Variants in ERC2 observed in about 807,000 individuals in gnomAD.
ERC2 encodes ELKS/RAB6-interacting/CAST family member 2.
ERC2 carries 42 observed loss-of-function variants against 114.8 expected under a neutral mutation model. That is an observed-to-expected ratio of 0.37 (90% CI 0.29 to 0.47). The LOEUF is 0.47. Ranked by LOEUF, ERC2 falls within the 20% of genes least tolerant of loss-of-function variation. The probability of loss-of-function intolerance (pLI) is 0.99; values close to 1 mark genes in which losing one functional copy is unlikely to be tolerated. For missense variants in ERC2, 939 were observed against 1,150.7 expected (o/e 0.82, Z 2.66); for synonymous variants, 454 against 425.5 (o/e 1.07, Z -0.82).
chr3:56,431,443 C>T (rs1042161312), intron 2 of ERC2, among the ~76,000 whole-genome samples: 1 of 152,190 alleles, frequency 6.6e-6, no homozygotes, highest in Non-Finnish European at 1.5e-5. Flanking sequence ...TGAAGCCATG[C>T]ATCAGGATGC....
chr3:55,947,355 G>T (rs2067188856), intron 13 of ERC2, among the ~76,000 whole-genome samples: 1 of 152,100 alleles, frequency 6.6e-6, no homozygotes, highest in African/African-American at 2.4e-5. Flanking sequence ...TTTCTCCAGG[G>T]CTTGTCTCTT....
intron 3 of ERC2, among the ~76,000 whole-genome samples, chr3:56,269,414 T>C (rs2053518094): frequency 1.3e-5 from 2 of 152,204 alleles, no homozygotes; most frequent in Non-Finnish European, 2.9e-5. Flanking sequence ...AATTTCCTCA[T>C]GGGTGAGTCT....
At chr3:56,373,638 C>A (rs942600239) in intron 2 of ERC2, among the ~76,000 whole-genome samples, 4 of 152,176 alleles carry the variant, frequency 2.6e-5, no homozygotes, top group African/African-American at 9.7e-5. Flanking sequence ...AAGGGCCAAA[C>A]AGTAAATATT....
At chr3:55,946,347 T>C (rs1490452303) in intron 13 of ERC2, among the ~76,000 whole-genome samples, 1 of 152,226 alleles carries the variant, frequency 6.6e-6, no homozygotes, top group Non-Finnish European at 1.5e-5. Flanking sequence ...GTTTTAATTT[T>C]CCTCCTTATT....
At chr3:55,843,838 C>G (rs920016916) in intron 14 of ERC2, among the ~76,000 whole-genome samples, 11 of 152,196 alleles carry the variant, frequency 7.2e-5, no homozygotes, top group Admixed American at 3.9e-4. Flanking sequence ...CTCCCAATTT[C>G]CTGTTCATAA....
At position 56,394,234 on chromosome 3, in the gene ERC2, C is replaced by G. The variant is rs73075870; in HGVS notation, c.657+40117G>C. Reference sequence around the variant, plus strand: ...TAACTCTAAATTATCCAGAATAAAACTTTAATGAGAATCTCAAACTATGGA... The same window carrying G: ...TAACTCTAAATTATCCAGAATAAAAGTTTAATGAGAATCTCAAACTATGGA... On this transcript the variant is annotated intron_variant, in intron 2 of 17. Transcript: ENST00000288221. Among the ~76,000 whole-genome samples the G allele has an allele frequency of 1.2e-3, 189 of 152,302 alleles. 1 individual carries two copies. The highest frequency in any genetic ancestry group is 0.01 in the Middle Eastern group (3 of 292).
At chr3:55,841,771 C>G (rs2061145039) in intron 14 of ERC2, among the ~76,000 whole-genome samples, 1 of 152,094 alleles carries the variant, frequency 6.6e-6, no homozygotes, top group Non-Finnish European at 1.5e-5. Context: ...ATTCTAGAGT[C>G]AACAATCTTA....
At position 56,158,091 on chromosome 3, in the gene ERC2, T is replaced by G. The variant is rs369959380; in HGVS notation, c.1150-8959A>C. On this transcript the variant is annotated intron_variant, in intron 4 of 17. Coordinates refer to ENST00000288221, the MANE Select transcript of ERC2 (RefSeq NM_015576.3). ...AGATTTAAACTTTGCAAGAATGTCA[T>G]GTCAATTCAGACTCCCCAGGAGGGC... Among the ~76,000 whole-genome samples, 44 of 152,280 alleles carry G rather than the reference T, an allele frequency of 2.9e-4. No individual in the cohort carries two copies. In the East Asian group the frequency reaches 3.9e-3, roughly 13 times the overall value.
chr3:55,722,013 A>G (rs1481893306), intron 15 of ERC2, among the ~76,000 whole-genome samples: 1 of 152,172 alleles, frequency 6.6e-6, no homozygotes, highest in East Asian at 1.9e-4. Context: ...ACAGCCTTGG[A>G]TTTAGACCTT....
intron 2 of ERC2, among the ~76,000 whole-genome samples, chr3:56,303,386 A>C (rs919138097): frequency 6.6e-6 from 1 of 152,224 alleles, no homozygotes; most frequent in Non-Finnish European, 1.5e-5. Flanking sequence ...CATTAAAAAT[A>C]CGCAAATGGA....
intron 3 of ERC2, among the ~76,000 whole-genome samples, chr3:56,174,569 T>C (rs2082865133): frequency 6.6e-6 from 1 of 152,202 alleles, no homozygotes; most frequent in Non-Finnish European, 1.5e-5. Flanking sequence ...ATTTACTTTT[T>C]TTAAAAAAGG....
chr3:55,888,460 G>A lies in ERC2; in HGVS notation c.2493C>T (p.Ala831=), dbSNP rs191615919. 35 of 1,613,782 alleles carry A rather than the reference G, an allele frequency of 2.2e-5. No individual in the cohort carries two copies. In the East Asian group the frequency reaches 3.6e-4, roughly 16 times the overall value. The change falls in exon 14 of 18, where the codon GCC becomes GCT. Residue 831 remains alanine, a synonymous_variant. Transcript: ENST00000288221. The part of the protein sequence containing the change: ...ARLASTQQSL[A]EKEAHLANLR... ...GGTTGGCCAAGTGCGCTTCTTTTTC[G>A]GCCAGGGACTGTTGTGTGGAGGCGA...
At chr3:56,421,433 T>C (rs2061384770) in intron 2 of ERC2, among the ~76,000 whole-genome samples, 1 of 152,194 alleles carries the variant, frequency 6.6e-6, no homozygotes, top group Non-Finnish European at 1.5e-5. Flanking sequence ...CGTGGATGTG[T>C]GACTCATTCC....
rs188076930 is a variant in ERC2, at chr3:56,160,703, C to A, written c.1150-11571G>T. Among the ~76,000 whole-genome samples, 787 of 152,232 alleles carry A rather than the reference C, an allele frequency of 5.2e-3. 11 individuals are homozygous for A. Among genetic ancestry groups the A allele is most frequent in the African/African-American group, 0.018 (737 of 41,552 alleles). ...GTTTCATTCTTCTGCATATGGCTAG[C>A]CAGTTATCCCAGCACCATTTATTAA... On this transcript the variant is annotated intron_variant, in intron 4 of 17. Coordinates refer to ENST00000288221, the MANE Select transcript of ERC2 (RefSeq NM_015576.3).
intron 10 of ERC2, among the ~76,000 whole-genome samples, chr3:55,994,542 T>C (rs2071340943): frequency 6.6e-6 from 1 of 151,360 alleles, no homozygotes; most frequent in East Asian, 1.9e-4. Flanking sequence ...CTTTTGTTTT[T>C]ATTATAATTA....
intron 3 of ERC2, among the ~76,000 whole-genome samples, chr3:56,244,776 T>C (rs1489836708): frequency 6.6e-6 from 1 of 152,188 alleles, no homozygotes; most frequent in African/African-American, 2.4e-5. Flanking sequence ...TACAGTAATA[T>C]ACAGTAGTGT....
At chr3:56,267,799 A>C (rs1470416134) in intron 3 of ERC2, among the ~76,000 whole-genome samples, 1 of 152,102 alleles carries the variant, frequency 6.6e-6, no homozygotes, top group Non-Finnish European at 1.5e-5. Context: ...CAAAACAAAA[A>C]AACAGGCAGA....
chr3:56,107,869 C>G (rs2078754868), intron 6 of ERC2, among the ~76,000 whole-genome samples: 1 of 152,092 alleles, frequency 6.6e-6, no homozygotes, highest in Non-Finnish European at 1.5e-5. Context: ...CAAATGTTTT[C>G]CATATAAGAT....
rs2150116890 is a variant in ERC2, at chr3:56,208,880, T to TTCAG, written c.1075-35361_1075-35360insCTGA. Among the ~76,000 whole-genome samples the TTCAG allele has an allele frequency of 2.0e-5, 3 of 152,240 alleles. No homozygotes were observed. In the East Asian group the frequency reaches 5.8e-4, roughly 29 times the overall value. On this transcript the variant is annotated intron_variant, in intron 3 of 17. Coordinates refer to ENST00000288221, the MANE Select transcript of ERC2 (RefSeq NM_015576.3). ...CAGGGGAAAATTCAGGCTGAGAAAC[T>TTCAG]GCAGAATGGTCACAGCCTCAGACAC...
Sources: gnomAD v4.1 joint callset for allele counts (sites outside exome capture counted in the v4.1 genomes callset) on GRCh38, gnomAD v4.1.1 for gene constraint, MANE v1.5 for transcripts, NCBI Gene and HGNC (gene_info 2026-07-23, HGNC 2026-07-21) for gene names.